The following ZNF462 variants were observed in gnomAD, a reference collection of about 807,000 sequenced individuals.
The protein encoded by ZNF462 is zinc finger protein 462, also known as zinc finger PBX1-interacting protein.
In ZNF462, 10 loss-of-function variants were observed where a neutral mutation model predicts 201.9. That is an observed-to-expected ratio of 0.05 (90% confidence interval 0.03 to 0.08). The LOEUF (loss-of-function observed/expected upper bound fraction) is 0.08. Ranked by LOEUF, ZNF462 falls within the 10% of genes least tolerant of loss-of-function variation. The probability of loss-of-function intolerance (pLI) is 1.00; values close to 1 mark genes in which losing one functional copy is unlikely to be tolerated. For synonymous variants in ZNF462, 1,227 were observed against 1,193.3 expected, an observed-to-expected ratio of 1.03 and a Z score of -0.58; for missense variants, 2,523 against 3,168.3, an observed-to-expected ratio of 0.80 and a Z score of 4.89.
In ZNF462 at chr9:106,933,788, G is replaced by A. The variant is rs1830518089; in HGVS notation, c.6116+1239G>A. Among the ~76,000 whole-genome samples, 1 of 152,162 alleles carries A rather than the reference G, an allele frequency of 6.6e-6. No homozygotes were observed. Among genetic ancestry groups the A allele is most frequent in the Non-Finnish European group, 1.5e-5 (1 of 68,032 alleles). ...TTTATGGCATAAGGAGCATTTGGGT[G>A]AAGTCTTAAAGTAGGAAAATAGGAC... On this transcript the variant is annotated intron_variant, in intron 5 of 12. Coordinates refer to ENST00000277225, the MANE Select transcript of ZNF462 (RefSeq NM_021224.6). This position sits in a 1 kb window ranked among gnomAD's most constrained non-coding sequence, Gnocchi z 4.3.
chr9:106,969,501 G>A (rs1826475451), intron 7 of ZNF462, among the ~76,000 whole-genome samples: 1 of 152,192 alleles, frequency 6.6e-6, no homozygotes, highest in Non-Finnish European at 1.5e-5. Flanking sequence ...CTGCCTGACA[G>A]ATCAGTGCAT....
intron 1 of ZNF462, among the ~76,000 whole-genome samples, chr9:106,907,101 T>A (rs1474504930): frequency 6.6e-6 from 1 of 152,192 alleles, no homozygotes; most frequent in Non-Finnish European, 1.5e-5. Flanking sequence ...AGTGGAGTGT[T>A]GATAGATTTT....
Position 106,902,178 on chromosome 9 carries a change from A to C in ZNF462, c.-30-21176A>C, listed in dbSNP as rs943175108. Reference sequence around the variant, plus strand: ...TTTTTCTGCCTCTATTGAGATGATCATGTGATTTTTTATTTTTAATTCTGT... The same window carrying C: ...TTTTTCTGCCTCTATTGAGATGATCCTGTGATTTTTTATTTTTAATTCTGT... On this transcript the variant is annotated intron_variant, in intron 1 of 12. Coordinates refer to ENST00000277225, the MANE Select transcript of ZNF462 (RefSeq NM_021224.6). This position sits in a 1 kb window ranked among gnomAD's most constrained non-coding sequence, Gnocchi z 4.2. Among the ~76,000 whole-genome samples, 1 of 152,108 alleles carries C rather than the reference A, an allele frequency of 6.6e-6. No individual in the cohort carries two copies. The highest frequency in any genetic ancestry group is 2.4e-5 in the African/African-American group (1 of 41,420).
At chr9:106,979,707 C>G (rs1046431717) in intron 9 of ZNF462, among the ~76,000 whole-genome samples, 1 of 147,222 alleles carries the variant, frequency 6.8e-6, no homozygotes. Context: ...TGAGGGTATT[C>G]CTATTGAGTT....
At chr9:106,976,930 AC>A (rs1367964728) in intron 9 of ZNF462, among the ~76,000 whole-genome samples, 4 of 152,124 alleles carry the variant, frequency 2.6e-5, no homozygotes, top group Non-Finnish European at 5.9e-5. Context: ...GGCTTGTCTG[AC>A]CCACAGCTCT....
intron 7 of ZNF462, among the ~76,000 whole-genome samples, chr9:106,956,014 A>C (rs1322285075): frequency 6.6e-6 from 1 of 152,092 alleles, no homozygotes; most frequent in Non-Finnish European, 1.5e-5. Context: ...ACTCCTGCTA[A>C]TGTTGATATT....
rs1250142411 is a variant in ZNF462 at position 106,906,066 on chromosome 9, C to T, written c.-30-17288C>T. On this transcript the variant is annotated intron_variant, in intron 1 of 12. Coordinates refer to ENST00000277225, the MANE Select transcript of ZNF462 (RefSeq NM_021224.6). ...TGGGGACCCAGTGAGATCCCAGGGC[C>T]TTCCTGCTGCTTCCTCTACCCCTGT... Among the ~76,000 whole-genome samples the T allele has an allele frequency of 4.6e-5, 7 of 152,348 alleles. No individual in the cohort carries two copies. The South Asian group carries it at 1.4e-3, about 32-fold the overall frequency.
chr9:106,901,848 C>G (rs957063848), intron 1 of ZNF462, among the ~76,000 whole-genome samples: 10 of 151,938 alleles, frequency 6.6e-5, no homozygotes, highest in Non-Finnish European at 1.2e-4. Context: ...GTAAACAATC[C>G]TATTGTCAGC....
In ZNF462 at chr9:106,864,773, G is replaced by T. The variant is rs528583200; in HGVS notation, c.-31+1418G>T. Among the ~76,000 whole-genome samples, 3 of 152,248 alleles carry T rather than the reference G, an allele frequency of 2.0e-5. No homozygotes were observed. In the East Asian group the frequency reaches 5.8e-4, roughly 29 times the overall value. Reference sequence around the variant, plus strand: ...GGGCTTTCTCCCAGGGCTCCCGGGGGCTGTGTCTGAGTGTCTGTGTTGGCT... The same window carrying T: ...GGGCTTTCTCCCAGGGCTCCCGGGGTCTGTGTCTGAGTGTCTGTGTTGGCT... On this transcript the variant is annotated intron_variant, in intron 1 of 12. Coordinates refer to ENST00000277225, the MANE Select transcript of ZNF462 (RefSeq NM_021224.6).
chr9:106,948,825 G>A (rs1831221297), intron 7 of ZNF462, among the ~76,000 whole-genome samples: 1 of 151,468 alleles, frequency 6.6e-6, no homozygotes, highest in Non-Finnish European at 1.5e-5. Context: ...TAAATATTGA[G>A]TACTTAAAGG....
chr9:106,892,026 C>T (rs2131061198), intron 1 of ZNF462, among the ~76,000 whole-genome samples: 1 of 152,262 alleles, frequency 6.6e-6, no homozygotes, highest in East Asian at 1.9e-4. Context: ...ATGCAATCAA[C>T]AATCTTTCTT....
chr9:106,931,378 C>T (rs529074851), intron 4 of ZNF462, among the ~76,000 whole-genome samples: 2 of 152,144 alleles, frequency 1.3e-5, no homozygotes, highest in African/African-American at 4.8e-5. Flanking sequence ...TATTGCTAAG[C>T]CCTATTATTT....
chr9:106,925,279 G>A lies in ZNF462; in HGVS notation c.1367G>A (p.Arg456His), dbSNP rs1830143600. 1.9e-6 allele frequency: 3 copies of A among 1,614,052 alleles called. No homozygotes were observed. The highest frequency in any genetic ancestry group is 1.7e-6 in the Non-Finnish European group (2 of 1,180,010). ...FLTMHRRSIS[R>H]HIENIHLSGK... Reference sequence around the variant, plus strand: ...ACCATGCATCGACGTAGCATCTCTCGTCACATAGAAAACATCCACTTATCT... The same window carrying A: ...ACCATGCATCGACGTAGCATCTCTCATCACATAGAAAACATCCACTTATCT... The change falls in exon 3 of 13, where the codon CGT becomes CAT. Residue 456 changes from arginine (R) to histidine (H), a missense_variant. Physicochemically the swap from Arg to His is conservative, Grantham distance 29. Around this residue, in one of 15 missense-constraint regions of ZNF462, gnomAD observed 13 missense variants for 43.2 expected, o/e 0.30. Coordinates refer to ENST00000277225, the MANE Select transcript of ZNF462 (RefSeq NM_021224.6). This position sits in a 1 kb window ranked among gnomAD's most constrained non-coding sequence, Gnocchi z 7.9.
intron 1 of ZNF462, among the ~76,000 whole-genome samples, chr9:106,896,299 G>C (rs970419803): frequency 3.3e-5 from 5 of 152,078 alleles, no homozygotes; most frequent in African/African-American, 1.2e-4. Flanking sequence ...TGTGGCAGCT[G>C]GTCAATAAAT....
chr9:107,003,087 T>C lies in ZNF462; in HGVS notation c.7057-207T>C, dbSNP rs1269505475. On this transcript the variant is annotated intron_variant, in intron 10 of 12. Coordinates refer to ENST00000277225, the MANE Select transcript of ZNF462 (RefSeq NM_021224.6). The surrounding 1 kb of genome is among the most constrained non-coding windows in gnomAD (Gnocchi z 4.4). ...AAGGTCCGGTGTACAAAAGTTCCGG[T>C]GAAAATGATGGAATGTGGGAGCAAA... Among the ~76,000 whole-genome samples the C allele has an allele frequency of 6.6e-6, 1 of 152,204 alleles. No individual in the cohort carries two copies. Among genetic ancestry groups the C allele is most frequent in the Non-Finnish European group, 1.5e-5 (1 of 68,036 alleles).
At chr9:107,002,549 T>A (rs1171995547) in intron 10 of ZNF462, among the ~76,000 whole-genome samples, 2 of 149,444 alleles carry the variant, frequency 1.3e-5, no homozygotes, top group Non-Finnish European at 3.0e-5. Context: ...AGATTTTTGT[T>A]CCCCTCCAAT....
At chr9:106,958,644 T>C (rs570005389) in intron 7 of ZNF462, among the ~76,000 whole-genome samples, 1 of 152,164 alleles carries the variant, frequency 6.6e-6, no homozygotes, top group South Asian at 2.1e-4. Context: ...CAGAAGTTCC[T>C]AAGGAAGCTG....
Position 106,925,140 on chromosome 9 carries a change from GGCCTGT to G in ZNF462, c.1229_1234del (p.Gly410_Ser412delinsAla). ...AAGTGCTATGGATCACCAGACATCA[GGCCTGT>G]CTGCAGAGCAGCTGATGGGCTCAGA... On this transcript the variant is annotated inframe_deletion, in exon 3 of 13. Transcript: ENST00000277225. The surrounding 1 kb of genome is among the most constrained non-coding windows in gnomAD (Gnocchi z 7.9). 6.2e-7 allele frequency: 1 copy of G among 1,614,198 alleles called. No homozygotes were observed. The highest frequency in any genetic ancestry group is 8.5e-7 in the Non-Finnish European group (1 of 1,180,036).
At chr9:106,996,000 G>T (rs1026684499) in intron 10 of ZNF462, among the ~76,000 whole-genome samples, 1 of 152,052 alleles carries the variant, frequency 6.6e-6, no homozygotes, top group Admixed American at 6.5e-5. Flanking sequence ...AGTGTGTGAT[G>T]TTCCCCACCC....
Sources: gnomAD v4.1 joint callset for allele counts (sites outside exome capture counted in the v4.1 genomes callset) on GRCh38, gnomAD v4.1.1 for gene constraint, gnomAD v4.1.1 regional missense constraint, Gnocchi (gnomAD v3.1) non-coding constraint, MANE v1.5 for transcripts, NCBI Gene and HGNC (gene_info 2026-07-23, HGNC 2026-07-21) for gene names.